The following CYBRD1 variants were observed in gnomAD, a reference collection of about 807,000 sequenced individuals.
CYBRD1 encodes the protein plasma membrane ascorbate-dependent reductase CYBRD1.
CYBRD1 carries 14 observed loss-of-function variants against 21.9 expected under a neutral mutation model. That is an observed-to-expected ratio of 0.64 (90% CI 0.42 to 1.00). CYBRD1 has a LOEUF of 1.00. Among genes scored for constraint, CYBRD1 ranks in the 50% least tolerant of loss-of-function variants. The pLI, the probability that CYBRD1 is intolerant of heterozygous loss-of-function variation, is 0.00. For synonymous variants in CYBRD1, 146 were observed against 136.5 expected, an observed-to-expected ratio of 1.07 and a Z score of -0.48; for missense variants, 328 against 352.5, an observed-to-expected ratio of 0.93 and a Z score of 0.56.
chr2:171,538,051 C>T (rs775544105), intron 1 of CYBRD1, among the ~76,000 whole-genome samples: 19 of 152,118 alleles, frequency 1.2e-4, no homozygotes, highest in African/African-American at 4.3e-4. Context: ...CCAGGGTGGG[C>T]GGATCACCTG....
At chr2:171,523,185 C>T (rs561821039) in intron 1 of CYBRD1, 94 of 354,462 alleles carry the variant, frequency 2.7e-4, no homozygotes, top group African/African-American at 2.0e-3. Flanking sequence ...CGATCGGGGG[C>T]GCGGAAACAC....
chr2:171,530,413 G>T (rs990319969), intron 1 of CYBRD1, among the ~76,000 whole-genome samples: 1 of 152,068 alleles, frequency 6.6e-6, no homozygotes, highest in Non-Finnish European at 1.5e-5. Context: ...TTACCAATTG[G>T]GTCAGTTTTT....
chr2:171,538,266 A>G (rs995849129), intron 1 of CYBRD1, among the ~76,000 whole-genome samples: 65 of 152,156 alleles, frequency 4.3e-4, no homozygotes, highest in African/African-American at 1.2e-3. Context: ...CTCCATCTCA[A>G]AAAGAAAAAT....
At position 171,522,591 on chromosome 2, in the gene CYBRD1, G is replaced by A. The variant is rs750321364; in HGVS notation, c.46G>A (p.Ala16Thr). The A allele has an allele frequency of 1.4e-5, 22 of 1,611,642 alleles. No individual in the cohort carries two copies. The East Asian group carries it at 4.5e-4, about 33-fold the overall frequency. ...YWRFLALLGS[A>T]LLVGFLSVIF... The stretch of plus-strand genomic sequence containing the variant: ...GCGCTTCCTGGCGCTGCTGGGGTCG[G>A]CACTGCTCGTCGGCTTCCTGTCGGT... Residue 16 changes from alanine to threonine, a missense_variant, in exon 1 of 4, where the codon GCA (alanine) becomes ACA (threonine). Transcript: ENST00000321348. This position sits in a 1 kb window ranked among gnomAD's most constrained non-coding sequence, Gnocchi z 4.3.
intron 3 of CYBRD1, among the ~76,000 whole-genome samples, chr2:171,553,913 T>C (rs1333542502): frequency 3.3e-5 from 5 of 152,154 alleles, no homozygotes; most frequent in Non-Finnish European, 7.3e-5. Flanking sequence ...AAGTAAAGAA[T>C]GAAGCAACAA....
At chr2:171,535,844 TGC>T (rs1697536238) in intron 1 of CYBRD1, among the ~76,000 whole-genome samples, 1 of 152,080 alleles carries the variant, frequency 6.6e-6, no homozygotes, top group Admixed American at 6.6e-5. Flanking sequence ...TTCACTGGGT[TGC>T]CCAAGCTGGT....
intron 1 of CYBRD1, among the ~76,000 whole-genome samples, chr2:171,526,305 A>G (rs1697385141): frequency 6.6e-6 from 1 of 151,994 alleles, no homozygotes; most frequent in South Asian, 2.1e-4. Context: ...AAGCAAAGCT[A>G]ACATAGAAGT....
intron 1 of CYBRD1, among the ~76,000 whole-genome samples, chr2:171,533,449 C>T (rs757333958): frequency 3.9e-5 from 6 of 152,206 alleles, no homozygotes; most frequent in Non-Finnish European, 5.9e-5. Flanking sequence ...TGACAGTGAA[C>T]AAGATAGACA....
intron 2 of CYBRD1, among the ~76,000 whole-genome samples, chr2:171,548,645 T>TAAAAAAAAAAAAAAAAAAAA (rs57266656): frequency 1.1e-5 from 1 of 89,970 alleles, no homozygotes; most frequent in Non-Finnish European, 2.1e-5. Context: ...ACCTGTACCC[T>TAAAAAAAAAAAAAAAAAAAA]AAAAAAAAAA....
intron 2 of CYBRD1, among the ~76,000 whole-genome samples, chr2:171,547,417 A>G (rs1198228195): frequency 6.8e-6 from 1 of 147,804 alleles, no homozygotes; most frequent in South Asian, 2.2e-4. Flanking sequence ...CAAGAGTCCA[A>G]GGAGGCATTT....
chr2:171,538,958 C>T lies in CYBRD1; in HGVS notation c.194-2627C>T, dbSNP rs190500691. On this transcript the variant is annotated intron_variant, in intron 1 of 3. Coordinates refer to ENST00000321348, the MANE Select transcript of CYBRD1 (RefSeq NM_024843.4). The stretch of plus-strand genomic sequence containing the variant: ...GATTACAGGTGCCTACCACCACGCC[C>T]GGCTAATTTCTGTATCTTTAGTAGA... Among the ~76,000 whole-genome samples the T allele has an allele frequency of 1.1e-3, 170 of 152,022 alleles. 3 individuals are homozygous for T. The highest frequency in any genetic ancestry group is 9.3e-3 in the East Asian group (48 of 5,142).
chr2:171,552,982 C>G (rs1683404133), intron 2 of CYBRD1, among the ~76,000 whole-genome samples: 1 of 152,008 alleles, frequency 6.6e-6, no homozygotes, highest in South Asian at 2.1e-4. Context: ...TAGCAAAAAC[C>G]AAACAGAAAC....
At chr2:171,536,133 C>CTTTTTTT (rs71013042) in intron 1 of CYBRD1, among the ~76,000 whole-genome samples, 2 of 110,300 alleles carry the variant, frequency 1.8e-5, no homozygotes, top group East Asian at 2.6e-4. Context: ...GATAGTTACT[C>CTTTTTTT]TTTTTTTTTT....
At chr2:171,523,059 T>C (rs1439058797) in intron 1 of CYBRD1, 1 of 380,702 alleles carries the variant, frequency 2.6e-6, no homozygotes, top group African/African-American at 2.2e-5. Flanking sequence ...TAGGACGCAC[T>C]GGAGGGGCCT....
At position 171,541,726 on chromosome 2, in the gene CYBRD1, A is replaced by G. The variant is rs1385389453; in HGVS notation, c.335A>G (p.Asn112Ser). 2 of 1,614,002 alleles carry G rather than the reference A, an allele frequency of 1.2e-6. No homozygotes were observed. Among genetic ancestry groups the G allele is most frequent in the African/African-American group, 1.3e-5 (1 of 74,988 alleles). Residue 112 changes from asparagine to serine, a missense_variant, in exon 2 of 4, where the codon AAT (asparagine) becomes AGT (serine). Coordinates refer to ENST00000321348, the MANE Select transcript of CYBRD1 (RefSeq NM_024843.4). ...GTGTTTGAGAACCACAATGTTAACA[A>G]TATAGCCAATATGTACAGTCTGCAC... ...VAVFENHNVN[N>S]IANMYSLHSW... is the part of the protein sequence containing the mutation.
intron 1 of CYBRD1, among the ~76,000 whole-genome samples, chr2:171,523,990 T>C (rs540974680): frequency 6.6e-6 from 1 of 152,328 alleles, no homozygotes; most frequent in Non-Finnish European, 1.5e-5. Context: ...TCACCAAATA[T>C]TTAACTCCCC....
At chr2:171,546,012 T>C (rs1697707858) in intron 2 of CYBRD1, among the ~76,000 whole-genome samples, 1 of 152,264 alleles carries the variant, frequency 6.6e-6, no homozygotes, top group Non-Finnish European at 1.5e-5. Flanking sequence ...AATTCTCTTT[T>C]GCTGTCTGAA....
intron 1 of CYBRD1, among the ~76,000 whole-genome samples, chr2:171,538,917 C>A (rs1462020974): frequency 6.6e-6 from 1 of 152,120 alleles, no homozygotes; most frequent in East Asian, 1.9e-4. Flanking sequence ...CCTGCCTCAG[C>A]CTCCCAAGTA....
Position 171,522,792 on chromosome 2 carries a change from G to A in CYBRD1, c.193+54G>A. On this transcript the variant is annotated intron_variant, in intron 1 of 3. Coordinates refer to ENST00000321348, the MANE Select transcript of CYBRD1 (RefSeq NM_024843.4). The surrounding 1 kb of genome is among the most constrained non-coding windows in gnomAD (Gnocchi z 4.3). ...GAGGAAAGCGGGGAGAACGGCGGGGGCAGAGGGTCCTCCGTGAAGCCCCTT... is the reference window on the plus strand; with the variant it reads ...GAGGAAAGCGGGGAGAACGGCGGGGACAGAGGGTCCTCCGTGAAGCCCCTT... 2 of 1,608,534 alleles carry A rather than the reference G, an allele frequency of 1.2e-6. No individual in the cohort carries two copies. Among genetic ancestry groups the A allele is most frequent in the Non-Finnish European group, 1.7e-6 (2 of 1,177,628 alleles).
Sources: gnomAD v4.1 joint callset for allele counts (sites outside exome capture counted in the v4.1 genomes callset) on GRCh38, gnomAD v4.1.1 for gene constraint, Gnocchi (gnomAD v3.1) non-coding constraint, MANE v1.5 for transcripts, NCBI Gene and HGNC (gene_info 2026-07-23, HGNC 2026-07-21) for gene names.